Variants in DIO2 observed in about 807,000 individuals in gnomAD.
DIO2 encodes the protein type II iodothyronine deiodinase.
A neutral mutation model predicts 21.4 loss-of-function variants in DIO2; 19 were observed. That is an observed-to-expected ratio of 0.89 (90% CI 0.62 to 1.30). The LOEUF (loss-of-function observed/expected upper bound fraction) is 1.30, where lower values mean the gene tolerates loss of function less well. Ranked by LOEUF, DIO2 falls within the 50% of genes most tolerant of loss-of-function variation. The pLI is 0.00. For synonymous variants in DIO2, 122 were observed against 132.9 expected, an observed-to-expected ratio of 0.92 and a Z score of 0.57; for missense variants, 302 against 338.1, an observed-to-expected ratio of 0.89 and a Z score of 0.84.
chr14:80,224,341 A>T lies in DIO2; in HGVS notation c.-277-7604T>A, dbSNP rs148623873. ...TCCAACCAACAGATACTAAATCCTA[A>T]TCTCTGGAACCTGTAAATGTTGTCT... is the stretch of plus-strand genomic sequence containing the variant. On this transcript the variant is annotated intron_variant, in intron 2 of 4. Transcript: ENST00000553594. 5.9e-3 allele frequency among the ~76,000 whole-genome samples: 901 copies of T among 152,238 alleles called. 34 individuals carry two copies. Among genetic ancestry groups the T allele is most frequent in the Admixed American group, 0.053 (816 of 15,278 alleles).
intron 2 of DIO2, among the ~76,000 whole-genome samples, chr14:80,223,576 A>G (rs922139797): frequency 1.3e-5 from 2 of 152,242 alleles, no homozygotes; most frequent in African/African-American, 2.4e-5. Context: ...TAGGTACAGC[A>G]TTCAAGTCAG....
At chr14:80,219,989 A>G (rs891616310) in intron 2 of DIO2, among the ~76,000 whole-genome samples, 1 of 152,210 alleles carries the variant, frequency 6.6e-6, no homozygotes, top group Non-Finnish European at 1.5e-5. Context: ...CTTGATAAGC[A>G]TAAAGTTGAT....
At chr14:80,228,725 G>A (rs1374021902) in intron 2 of DIO2, among the ~76,000 whole-genome samples, 6 of 152,136 alleles carry the variant, frequency 3.9e-5, no homozygotes, top group Admixed American at 2.0e-4. Context: ...TGGCACTGGG[G>A]AAATGACCAC....
intron 1 of DIO2, among the ~76,000 whole-genome samples, chr14:80,210,277 A>G (rs1041547768): frequency 5.9e-5 from 9 of 152,196 alleles, no homozygotes; most frequent in African/African-American, 1.4e-4. Flanking sequence ...GACCAGGGCG[A>G]AAATCATCCT....
At chr14:80,229,489 C>T (rs1284488897) in intron 2 of DIO2, among the ~76,000 whole-genome samples, 1 of 152,100 alleles carries the variant, frequency 6.6e-6, no homozygotes. Context: ...GCTGCCCTCA[C>T]ACATCTATTT....
At chr14:80,221,228 C>A (rs745354397) in intron 2 of DIO2, among the ~76,000 whole-genome samples, 3 of 152,236 alleles carry the variant, frequency 2.0e-5, no homozygotes, top group East Asian at 3.9e-4. Flanking sequence ...CTACAGAAAG[C>A]ATCATATAAA....
At chr14:80,230,664 C>T (rs141300126) in intron 2 of DIO2, among the ~76,000 whole-genome samples, 1 of 152,136 alleles carries the variant, frequency 6.6e-6, no homozygotes, top group Admixed American at 6.5e-5. Context: ...ACTCTCTAAA[C>T]AGTTCATGTC....
In DIO2 at chr14:80,202,809, C is replaced by T; in HGVS notation, c.702G>A (p.Gln234=). 6.2e-7 allele frequency: 1 copy of T among 1,613,968 alleles called. No homozygotes were observed. The highest frequency in any genetic ancestry group is 1.1e-5 in the South Asian group (1 of 91,080). Residue 234 remains glutamine, a synonymous_variant, in exon 2 of 2, where the codon CAG becomes CAA. Transcript: ENST00000438257. ...CTCCCAGATAAGCAATTTTCTGTCT[C>T]TGCACAATGCACACACGTTCAAAGG... ...GVAFERVCIV[Q]RQKIAYLGGK...
chr14:80,218,212 GACAC>G (rs1175030695), intron 2 of DIO2, among the ~76,000 whole-genome samples: 5 of 150,024 alleles, frequency 3.3e-5, no homozygotes, highest in Non-Finnish European at 7.4e-5. Context: ...CAAAAACAAA[GACAC>G]ACACACACAT....
At chr14:80,204,387 G>A (rs1282460872) in intron 1 of DIO2, among the ~76,000 whole-genome samples, 1 of 152,142 alleles carries the variant, frequency 6.6e-6, no homozygotes, top group African/African-American at 2.4e-5. Flanking sequence ...TATTGGGGCA[G>A]AAGAAGTAGA....
intron 2 of DIO2, among the ~76,000 whole-genome samples, chr14:80,216,911 C>T (rs536333155): frequency 6.6e-6 from 1 of 152,172 alleles, no homozygotes; most frequent in East Asian, 1.9e-4. Context: ...TTTACAGCAG[C>T]TTTTTTAAAA....
intron 2 of DIO2, among the ~76,000 whole-genome samples, chr14:80,220,769 C>T (rs968907985): frequency 6.6e-6 from 1 of 152,166 alleles, no homozygotes; most frequent in Non-Finnish European, 1.5e-5. Context: ...GTGCTTCTTA[C>T]CTCTGTCCTC....
At chr14:80,208,751 G>A (rs1396342596) in intron 1 of DIO2, among the ~76,000 whole-genome samples, 2 of 152,192 alleles carry the variant, frequency 1.3e-5, no homozygotes, top group African/African-American at 4.8e-5. Context: ...ACCTGGTTGA[G>A]AGATTCTGAG....
intron 2 of DIO2, among the ~76,000 whole-genome samples, chr14:80,222,793 T>C (rs955316062): frequency 4.6e-5 from 7 of 152,120 alleles, no homozygotes; most frequent in African/African-American, 1.7e-4. Context: ...CCATTCTACT[T>C]GAACTATATA....
At chr14:80,225,623 A>T (rs1485854767) in intron 2 of DIO2, among the ~76,000 whole-genome samples, 1 of 152,134 alleles carries the variant, frequency 6.6e-6, no homozygotes. Context: ...TCTACTGCCC[A>T]TTCTGTATTT....
rs1209300478 is a variant in DIO2 at position 80,200,034 on chromosome 14, T to C, written c.*2655A>G. ...TTTTCCTCTACCTCAAAATAATGAG[T>C]TCTTGTTAATTTCATAAAAGAATAC... is the stretch of plus-strand genomic sequence containing the variant. On this transcript the variant is annotated 3_prime_UTR_variant, in exon 2 of 2. Coordinates refer to ENST00000438257, the MANE Select transcript of DIO2 (RefSeq NM_013989.5). 2.0e-5 allele frequency: 3 copies of C among 152,488 alleles called. No homozygotes were observed. Among genetic ancestry groups the C allele is most frequent in the Non-Finnish European group, 4.4e-5 (3 of 67,998 alleles). 9.4% of individuals were successfully genotyped at this position (152,488 alleles called of 1,614,324 possible). A position where few individuals can be genotyped will look rare whatever the true frequency, so the allele number is the denominator to read the frequency against.
chr14:80,210,148 T>C (rs1243371508), intron 1 of DIO2, among the ~76,000 whole-genome samples: 2 of 152,140 alleles, frequency 1.3e-5, no homozygotes, highest in African/African-American at 4.8e-5. Context: ...GAAACCAAGA[T>C]TGTCTATTTT....
chr14:80,229,071 G>C (rs1251746399), intron 2 of DIO2, among the ~76,000 whole-genome samples: 1 of 152,128 alleles, frequency 6.6e-6, no homozygotes, highest in East Asian at 1.9e-4. Context: ...TACTGGGTCT[G>C]TAAACTGGCT....
rs1387107877 is a variant in DIO2, at chr14:80,199,145, A to G, written c.*3544T>C. The G allele has an allele frequency of 6.6e-6, 1 of 152,238 alleles. No individual in the cohort carries two copies. Among genetic ancestry groups the G allele is most frequent in the Non-Finnish European group, 1.5e-5 (1 of 68,048 alleles). The allele number at this position is 152,238 out of a possible 1,614,324, so 9.4% of individuals were successfully genotyped here. A position where few individuals can be genotyped will look rare whatever the true frequency, so the allele number is the denominator to read the frequency against. On this transcript the variant is annotated 3_prime_UTR_variant, in exon 2 of 2. Transcript: ENST00000438257. ...TTTGAATTTTCCCGAAGGCATACAT[A>G]CTGTCTCTAACCTGCCCTCTAGAAT...
Sources: gnomAD v4.1 joint callset for allele counts (sites outside exome capture counted in the v4.1 genomes callset) on GRCh38, gnomAD v4.1.1 for gene constraint, MANE v1.5 for transcripts, NCBI Gene and HGNC (gene_info 2026-07-23, HGNC 2026-07-21) for gene names.